CALCR: variants seen among roughly 807,000 people sequenced by gnomAD.
CALCR encodes calcitonin receptor.
CALCR carries 47 observed loss-of-function variants against 59.5 expected under a neutral mutation model. That is an observed-to-expected ratio of 0.79 (90% CI 0.63 to 1.01). The LOEUF (loss-of-function observed/expected upper bound fraction) is 1.01, where lower values mean the gene tolerates loss of function less well. Among genes scored for constraint, CALCR ranks in the 50% least tolerant of loss-of-function variants. CALCR has a pLI of 0.00. For synonymous variants in CALCR, 213 were observed against 211.3 expected, an observed-to-expected ratio of 1.01 and a Z score of -0.07; for missense variants, 566 against 597.1, an observed-to-expected ratio of 0.95 and a Z score of 0.54.
rs533556403 is a variant in CALCR, at chr7:93,537,291, T to C, written c.-27+36998A>G. 3.3e-5 allele frequency among the ~76,000 whole-genome samples: 5 copies of C among 151,926 alleles called. No homozygotes were observed. The East Asian group carries it at 9.6e-4, about 29-fold the overall frequency. ...CATTGCCACCATCTTCTAATGTGAA[T>C]TTAGTACTTCAGATGAGAAGAATAT... On this transcript the variant is annotated intron_variant, in intron 2 of 13. Coordinates refer to ENST00000426151, the MANE Select transcript of CALCR (RefSeq NM_001742.4).
At chr7:93,456,361 A>C (rs1274650172) in intron 8 of CALCR, among the ~76,000 whole-genome samples, 1 of 152,032 alleles carries the variant, frequency 6.6e-6, no homozygotes, top group African/African-American at 2.4e-5. Flanking sequence ...ATTTTGTCTA[A>C]CTTCAGAGGG....
chr7:93,544,089 T>C (rs148780878), intron 2 of CALCR, among the ~76,000 whole-genome samples: 53 of 152,126 alleles, frequency 3.5e-4, no homozygotes, highest in African/African-American at 1.3e-3. Context: ...ACCATAAATG[T>C]AGTTGGAATA....
intron 13 of CALCR, among the ~76,000 whole-genome samples, chr7:93,429,034 G>A (rs1185462117): frequency 6.6e-6 from 1 of 152,084 alleles, no homozygotes; most frequent in Non-Finnish European, 1.5e-5. Context: ...CCCAGCATGG[G>A]GCCAAACGGT....
intron 2 of CALCR, among the ~76,000 whole-genome samples, chr7:93,550,941 G>A (rs2374644): frequency 0.38 from 57,791 of 151,910 alleles, 12,135 homozygotes; most frequent in Non-Finnish European, 0.48. Context: ...TTAAAGGTAA[G>A]TTTTTAATTT....
chr7:93,500,061 T>C (rs909759584), intron 2 of CALCR, among the ~76,000 whole-genome samples: 2 of 151,906 alleles, frequency 1.3e-5, no homozygotes, highest in African/African-American at 2.4e-5. Context: ...TCTCACTCTA[T>C]AGATGAGCAA....
chr7:93,447,743 G>A (rs1257975947), intron 8 of CALCR, among the ~76,000 whole-genome samples: 1 of 151,924 alleles, frequency 6.6e-6, no homozygotes, highest in African/African-American at 2.4e-5. Context: ...TTGCCATTCA[G>A]AATGCCTTCC....
intron 2 of CALCR, among the ~76,000 whole-genome samples, chr7:93,544,908 G>A (rs1255193797): frequency 3.3e-5 from 5 of 152,118 alleles, no homozygotes; most frequent in African/African-American, 1.2e-4. Flanking sequence ...CTCATTTCAT[G>A]CTGAGCAGCA....
At chr7:93,436,286 T>C (rs1377158948) in intron 11 of CALCR, 116 bp from the exon 12 acceptor site, 5 of 806,318 alleles carry the variant, frequency 6.2e-6, no homozygotes, top group Non-Finnish European at 1.0e-5. Flanking sequence ...ACATAGAACA[T>C]GAGAGTCTAC....
In CALCR at chr7:93,426,557, T is replaced by C. The variant is rs781657977; in HGVS notation, c.1224A>G (p.Gln408=). 1.5e-5 allele frequency: 24 copies of C among 1,611,354 alleles called. No homozygotes were observed. Among genetic ancestry groups the C allele is most frequent in the Non-Finnish European group, 1.9e-5 (22 of 1,177,992 alleles). Residue 408 remains glutamine, a synonymous_variant, in exon 14 of 14, where the codon CAA becomes CAG. Transcript: ENST00000426151. ...VQTTVKRQWA[Q]FKIQWNQRWG... ...AACGCTGGTTCCACTGAATTTTGAA[T>C]TGGGCCCATTGGCGCTTCACGGTGG...
intron 2 of CALCR, among the ~76,000 whole-genome samples, chr7:93,519,629 T>A (rs1801717943): frequency 6.6e-6 from 1 of 152,096 alleles, no homozygotes; most frequent in Non-Finnish European, 1.5e-5. Flanking sequence ...AATTCTGTTA[T>A]AATATAGTCT....
chr7:93,479,396 A>G lies in CALCR; in HGVS notation c.163T>C (p.Cys55Arg), dbSNP rs1800742210. 1 of 1,612,336 alleles carries G rather than the reference A, an allele frequency of 6.2e-7. No individual in the cohort carries two copies. The highest frequency in any genetic ancestry group is 8.5e-7 in the Non-Finnish European group (1 of 1,179,024). ...GGTAACTGCTGCATTCGGTCATAGC[A>G]TTTGTACTGTGCATCCATCATCTTC... is the stretch of plus-strand genomic sequence containing the variant. The part of the protein sequence containing the change: ...RKKMMDAQYK[C>R]YDRMQQLPAY... The change falls in exon 4 of 14, where the codon TGC (cysteine) becomes CGC (arginine). Residue 55 changes from cysteine to arginine, a missense_variant. By Grantham distance (180) the Cys-to-Arg change is radical. Transcript: ENST00000426151.
chr7:93,562,478 A>C (rs1310029495), intron 2 of CALCR, among the ~76,000 whole-genome samples: 1 of 152,210 alleles, frequency 6.6e-6, no homozygotes, highest in African/African-American at 2.4e-5. Flanking sequence ...AAACACCTCC[A>C]GCTTGGATAT....
At chr7:93,442,290 A>G (rs547253807) in intron 9 of CALCR, among the ~76,000 whole-genome samples, 1 of 152,296 alleles carries the variant, frequency 6.6e-6, no homozygotes, top group East Asian at 1.9e-4. Flanking sequence ...TGTTGCTTGC[A>G]ACCAAATAAT....
chr7:93,529,433 C>A (rs1210432061), intron 2 of CALCR, among the ~76,000 whole-genome samples: 1 of 152,156 alleles, frequency 6.6e-6, no homozygotes, highest in African/African-American at 2.4e-5. Context: ...TTAATTAAAC[C>A]TCTTTTCTTT....
chr7:93,435,005 T>C (rs1248640876), intron 12 of CALCR, among the ~76,000 whole-genome samples: 1 of 152,204 alleles, frequency 6.6e-6, no homozygotes, highest in Admixed American at 6.5e-5. Flanking sequence ...GAATTACTCC[T>C]GCCAAGGACT....
At chr7:93,445,842 A>T (rs1397203521) in intron 8 of CALCR, among the ~76,000 whole-genome samples, 1 of 152,062 alleles carries the variant, frequency 6.6e-6, no homozygotes, top group Non-Finnish European at 1.5e-5. Flanking sequence ...GCACTTCAGT[A>T]CTATGCTTGA....
At chr7:93,511,892 G>A (rs1018420667) in intron 2 of CALCR, among the ~76,000 whole-genome samples, 1 of 152,186 alleles carries the variant, frequency 6.6e-6, no homozygotes, top group Non-Finnish European at 1.5e-5. Context: ...CCCAGCAAAA[G>A]AAAGAATCTT....
At chr7:93,521,686 C>T (rs1008301437) in intron 2 of CALCR, among the ~76,000 whole-genome samples, 20 of 152,118 alleles carry the variant, frequency 1.3e-4, no homozygotes, top group Non-Finnish European at 2.8e-4. Context: ...GCTAGGGACT[C>T]TTTCCCATTC....
chr7:93,513,002 G>T lies in CALCR; in HGVS notation c.-26-25995C>A, dbSNP rs145431510. Among the ~76,000 whole-genome samples, 718 of 152,198 alleles carry T rather than the reference G, an allele frequency of 4.7e-3. 5 individuals are homozygous for T. Among genetic ancestry groups the T allele is most frequent in the African/African-American group, 0.017 (688 of 41,540 alleles). On this transcript the variant is annotated intron_variant, in intron 2 of 13. Coordinates refer to ENST00000426151, the MANE Select transcript of CALCR (RefSeq NM_001742.4). ...AACAGAATATTTAAGGTAAACCAGA[G>T]ACCCCATGAAGGCTAGGAATAACTA...
Sources: gnomAD v4.1 joint callset for allele counts (sites outside exome capture counted in the v4.1 genomes callset) on GRCh38, gnomAD v4.1.1 for gene constraint, MANE v1.5 for transcripts, NCBI Gene and HGNC (gene_info 2026-07-23, HGNC 2026-07-21) for gene names.